DCC: variants seen among roughly 807,000 people sequenced by gnomAD.
DCC encodes the protein netrin receptor DCC.
Under a neutral mutation model 172.5 loss-of-function variants are expected in DCC, and 58 were observed. The observed-to-expected ratio is 0.34, with a 90% CI of 0.27 to 0.42. The LOEUF is 0.42. DCC is among the 10% of genes least tolerant of loss of function. The pLI, the probability that DCC is intolerant of heterozygous loss-of-function variation, is 1.00. For synonymous variants in DCC, 709 were observed against 644.5 expected, an observed-to-expected ratio of 1.10 and a Z score of -1.52; for missense variants, 1,740 against 1,791.0, an observed-to-expected ratio of 0.97 and a Z score of 0.51.
intron 1 of DCC, among the ~76,000 whole-genome samples, chr18:52,593,596 A>G (rs1255268758): frequency 2.6e-5 from 4 of 152,174 alleles, no homozygotes; most frequent in Admixed American, 6.6e-5. Flanking sequence ...TACATGTATA[A>G]CCTAACATCA....
intron 27 of DCC, among the ~76,000 whole-genome samples, chr18:53,517,726 T>C (rs538774276): frequency 6.6e-6 from 1 of 151,874 alleles, no homozygotes; most frequent in Non-Finnish European, 1.5e-5. Context: ...TCCCTTATTT[T>C]TGAGGAGAAA....
chr18:52,610,404 A>G (rs1326910307), intron 1 of DCC, among the ~76,000 whole-genome samples: 3 of 138,554 alleles, frequency 2.2e-5, no homozygotes, highest in Non-Finnish European at 3.1e-5. Flanking sequence ...AAAAAAAAAA[A>G]AAAGAAAAAG....
chr18:53,094,331 T>C (rs2043054308), intron 7 of DCC, among the ~76,000 whole-genome samples: 1 of 152,218 alleles, frequency 6.6e-6, no homozygotes, highest in East Asian at 1.9e-4. Flanking sequence ...TCTATTTTTC[T>C]CATTCCTCTT....
intron 19 of DCC, among the ~76,000 whole-genome samples, chr18:53,409,281 C>T (rs188121564): frequency 6.6e-6 from 1 of 152,280 alleles, no homozygotes; most frequent in Admixed American, 6.5e-5. Flanking sequence ...CCCTTAACCA[C>T]TGCGAAGACC....
intron 2 of DCC, among the ~76,000 whole-genome samples, chr18:52,803,659 A>G (rs12963929): frequency 0.58 from 87,898 of 151,974 alleles, 28,934 homozygotes; most frequent in East Asian, 0.86. Flanking sequence ...CTCCAAAAAA[A>G]GTTTCCAAAA....
chr18:52,516,623 C>T (rs536375856), intron 1 of DCC, among the ~76,000 whole-genome samples: 15 of 152,092 alleles, frequency 9.9e-5, no homozygotes, highest in Non-Finnish European at 2.1e-4. Context: ...AAATAAACCA[C>T]GTTATATAGT....
At chr18:53,192,657 G>T (rs2055383249) in intron 9 of DCC, among the ~76,000 whole-genome samples, 1 of 152,150 alleles carries the variant, frequency 6.6e-6, no homozygotes, top group South Asian at 2.1e-4. Context: ...TAGAAGTAGG[G>T]TGTGAAATTA....
intron 1 of DCC, among the ~76,000 whole-genome samples, chr18:52,642,455 C>A (rs991778519): frequency 4.6e-5 from 7 of 151,904 alleles, no homozygotes; most frequent in Non-Finnish European, 7.4e-5. Flanking sequence ...CCACCTGTTC[C>A]CCAATAACCT....
chr18:52,409,821 G>C (rs1452751156), intron 1 of DCC, among the ~76,000 whole-genome samples: 3 of 152,098 alleles, frequency 2.0e-5, no homozygotes, highest in Non-Finnish European at 4.4e-5. Context: ...CAGGTAGGAA[G>C]GGCAAGTATC....
chr18:52,660,128 C>T (rs990535562), intron 1 of DCC, among the ~76,000 whole-genome samples: 18 of 152,056 alleles, frequency 1.2e-4, no homozygotes, highest in African/African-American at 4.3e-4. Context: ...TACATCATGC[C>T]ACCCCTTTAT....
chr18:53,427,835 T>C (rs1911081285), intron 21 of DCC, among the ~76,000 whole-genome samples: 1 of 100,306 alleles, frequency 1.0e-5, no homozygotes, highest in Non-Finnish European at 2.4e-5. Context: ...ATATATGATA[T>C]ATAATATATA....
At chr18:52,810,151 A>G (rs1280690594) in intron 2 of DCC, among the ~76,000 whole-genome samples, 1 of 152,204 alleles carries the variant, frequency 6.6e-6, no homozygotes, top group Non-Finnish European at 1.5e-5. Context: ...AAAGTCACCA[A>G]ATTTTAATTT....
intron 7 of DCC, among the ~76,000 whole-genome samples, chr18:53,085,490 T>C (rs996395380): frequency 6.6e-6 from 1 of 152,126 alleles, no homozygotes; most frequent in Non-Finnish European, 1.5e-5. Flanking sequence ...AATTTGTAGG[T>C]TAAATAAGCT....
chr18:53,424,943 C>T (rs1205942217), intron 21 of DCC, among the ~76,000 whole-genome samples: 1 of 152,072 alleles, frequency 6.6e-6, no homozygotes, highest in Non-Finnish European at 1.5e-5. Context: ...CCTGCCTGCT[C>T]CCTTGTATCC....
At chr18:52,679,359 T>C (rs1240624122) in intron 1 of DCC, among the ~76,000 whole-genome samples, 1 of 152,028 alleles carries the variant, frequency 6.6e-6, no homozygotes, top group Non-Finnish European at 1.5e-5. Context: ...TTTTTGATAG[T>C]GTGTTCATTC....
intron 7 of DCC, among the ~76,000 whole-genome samples, chr18:53,101,455 G>GT (rs953277721): frequency 2.1e-4 from 32 of 152,146 alleles, no homozygotes; most frequent in African/African-American, 7.5e-4. Context: ...TTTAACAGCG[G>GT]TGCTAACCCA....
At chr18:52,879,832 A>C (rs576597901) in intron 2 of DCC, among the ~76,000 whole-genome samples, 1 of 152,238 alleles carries the variant, frequency 6.6e-6, no homozygotes, top group South Asian at 2.1e-4. Flanking sequence ...TCTTTGTTTT[A>C]TGATATTGAA....
intron 2 of DCC, among the ~76,000 whole-genome samples, chr18:52,811,331 C>T (rs186782949): frequency 5.3e-5 from 8 of 152,120 alleles, no homozygotes; most frequent in Admixed American, 1.3e-4. Context: ...TTGTTATGGG[C>T]GACATTCATT....
intron 2 of DCC, among the ~76,000 whole-genome samples, chr18:52,875,674 C>T (rs1211812414): frequency 1.3e-5 from 2 of 152,218 alleles, no homozygotes; most frequent in Non-Finnish European, 2.9e-5. Flanking sequence ...CTATGATGCT[C>T]AGCCCTCATA....
Sources: allele counts gnomAD v4.1 joint callset (sites outside exome capture counted in the v4.1 genomes callset), GRCh38; gene constraint gnomAD v4.1.1; transcripts MANE v1.5; gene names NCBI Gene and HGNC (gene_info 2026-07-23, HGNC 2026-07-21).